Variants in GSDMC observed in about 807,000 individuals in gnomAD.
The protein encoded by GSDMC is gasdermin C, also known as gasdermin-C.
GSDMC carries 59 observed loss-of-function variants against 58.0 expected under a neutral mutation model. The ratio of observed to expected loss-of-function variants is 1.02; its 90% CI spans 0.82 to 1.26. The LOEUF is 1.26. Ranked by LOEUF, GSDMC falls within the 50% of genes most tolerant of loss-of-function variation. The pLI, the probability that GSDMC is intolerant of heterozygous loss-of-function variation, is 0.00. For synonymous variants in GSDMC, 241 were observed against 220.2 expected, an observed-to-expected ratio of 1.09 and a Z score of -0.83; for missense variants, 659 against 598.5, an observed-to-expected ratio of 1.10 and a Z score of -1.06.
In GSDMC at chr8:129,785,997, C is replaced by G. The variant is rs2034544910; in HGVS notation, c.-5+14G>C. 1 of 152,130 alleles carries G rather than the reference C, an allele frequency of 6.6e-6. No individual in the cohort carries two copies. The highest frequency in any genetic ancestry group is 2.4e-5 in the African/African-American group (1 of 41,414). 9.4% of individuals were successfully genotyped at this position (152,130 alleles called of 1,614,324 possible). A position where few individuals can be genotyped will look rare whatever the true frequency, so the allele number is the denominator to read the frequency against. ...ATCTTTTCTTTTTCATCCCCTGATC[C>G]CATTAGGACTTACCAGATTATATAT... is the stretch of plus-strand genomic sequence containing the variant. On this transcript the variant is annotated intron_variant, in intron 1 of 13. Transcript: ENST00000276708.
the GSDMC span, chr8:129,730,034 GA>G: frequency 7.9e-7 from 1 of 1,273,720 alleles, no homozygotes; most frequent in Non-Finnish European, 1.1e-6. Flanking sequence ...GGATGAGAAG[GA>G]AAAGGAGTAT....
At chr8:129,777,710 C>G (rs2034284644) in intron 1 of GSDMC, 119 bp from the exon 2 acceptor site, 1 of 657,900 alleles carries the variant, frequency 1.5e-6, no homozygotes, top group Non-Finnish European at 2.7e-6. Flanking sequence ...CAGGTCTTTA[C>G]TTAAAATAGT....
At chr8:129,732,484 G>A in the GSDMC span, among the ~76,000 whole-genome samples, 1 of 152,184 alleles carries the variant, frequency 6.6e-6, no homozygotes, top group Non-Finnish European at 1.5e-5. Context: ...GAAGTGCCAA[G>A]GTCTCCAGAT....
Position 129,752,088 on chromosome 8 carries a change from G to T in GSDMC, c.886+18C>A. 6.2e-7 allele frequency: 1 copy of T among 1,606,672 alleles called. No homozygotes were observed. The highest frequency in any genetic ancestry group is 8.5e-7 in the Non-Finnish European group (1 of 1,173,168). On this transcript the variant is annotated intron_variant, in intron 8 of 13. Coordinates refer to ENST00000276708, the MANE Select transcript of GSDMC (RefSeq NM_031415.3). ...TTGTGCAGATTGTCCTGGAAGGGGA[G>T]GGCCAGATTCCACTCACTTGGCAAA... is the stretch of plus-strand genomic sequence containing the variant.
At chr8:129,777,650 A>C in intron 1 of GSDMC, 59 bp from the exon 2 acceptor site, 5 of 863,192 alleles carry the variant, frequency 5.8e-6, no homozygotes, top group Non-Finnish European at 7.8e-6. Flanking sequence ...TTAAACTCTC[A>C]CCAATTATTG....
chr8:129,756,999 T>C (rs1378329100), intron 6 of GSDMC, among the ~76,000 whole-genome samples: 1 of 150,646 alleles, frequency 6.6e-6, no homozygotes, highest in Non-Finnish European at 1.5e-5. Context: ...CTTAAAGAAC[T>C]AGAAAAGCAA....
At chr8:129,738,590 G>A in the GSDMC span, among the ~76,000 whole-genome samples, 1 of 152,230 alleles carries the variant, frequency 6.6e-6, no homozygotes, top group African/African-American at 2.4e-5. Context: ...TCACTCATAG[G>A]TGGGAATTGA....
At chr8:129,720,950 G>C in the GSDMC span, among the ~76,000 whole-genome samples, 1 of 152,190 alleles carries the variant, frequency 6.6e-6, no homozygotes, top group African/African-American at 2.4e-5. Flanking sequence ...GCACAAGATG[G>C]ACAGGCAGAG....
chr8:129,706,273 A>G, the GSDMC span, among the ~76,000 whole-genome samples: 1 of 152,210 alleles, frequency 6.6e-6, no homozygotes, highest in Non-Finnish European at 1.5e-5. Context: ...CCAACAATGG[A>G]TATTACCACT....
Position 129,749,486 on chromosome 8 carries a change from A to T in GSDMC, c.1253T>A (p.Met418Lys), listed in dbSNP as rs1187384840. 1 of 1,613,690 alleles carries T rather than the reference A, an allele frequency of 6.2e-7. No homozygotes were observed. The highest frequency in any genetic ancestry group is 1.3e-5 in the African/African-American group (1 of 74,874). Reference protein sequence around the residue: ...DFQHDLLACSMEKRILLQQQE... With the variant: ...DFQHDLLACSKEKRILLQQQE... Reference sequence around the variant, plus strand: ...TTGCTGAAGCAGGATCCTCTTCTCCATGGAACAGGCCAGCAAATCGTGTTG... The same window carrying T: ...TTGCTGAAGCAGGATCCTCTTCTCCTTGGAACAGGCCAGCAAATCGTGTTG... The change falls in exon 13 of 14, where the codon ATG becomes AAG. Residue 418 changes from methionine to lysine, a missense_variant. Coordinates refer to ENST00000276708, the MANE Select transcript of GSDMC (RefSeq NM_031415.3).
chr8:129,733,360 C>T, the GSDMC span, among the ~76,000 whole-genome samples: 3 of 152,254 alleles, frequency 2.0e-5, no homozygotes, highest in South Asian at 4.1e-4. Flanking sequence ...ACTGCCTCCT[C>T]GAGTGGGTCC....
At chr8:129,733,181 C>T in the GSDMC span, among the ~76,000 whole-genome samples, 1 of 152,192 alleles carries the variant, frequency 6.6e-6, no homozygotes. Flanking sequence ...GGGCAGAGCC[C>T]ACCACAGTTC....
At chr8:129,770,747 TA>T (rs1438505032) in intron 3 of GSDMC, among the ~76,000 whole-genome samples, 1 of 151,864 alleles carries the variant, frequency 6.6e-6, no homozygotes, top group African/African-American at 2.4e-5. Context: ...ATAAAAGTCA[TA>T]AAACAATTAA....
At chr8:129,782,168 A>G (rs1445058507) in intron 1 of GSDMC, among the ~76,000 whole-genome samples, 1 of 152,208 alleles carries the variant, frequency 6.6e-6, no homozygotes, top group Admixed American at 6.5e-5. Context: ...TTCTTGACAC[A>G]AATGATAATG....
the GSDMC span, among the ~76,000 whole-genome samples, chr8:129,713,521 AT>A: frequency 1.8e-4 from 27 of 152,174 alleles, no homozygotes; most frequent in Non-Finnish European, 2.9e-4. Context: ...TTAAAAGCCT[AT>A]TCTGCTGTCA....
chr8:129,729,288 C>A, the GSDMC span: 5 of 595,372 alleles, frequency 8.4e-6, no homozygotes, highest in Non-Finnish European at 1.3e-5. Context: ...GGTTCAGAAG[C>A]CTATAGGCAC....
chr8:129,723,314 C>G, the GSDMC span, among the ~76,000 whole-genome samples: 2,101 of 152,178 alleles, frequency 0.014, 52 homozygotes, highest in African/African-American at 0.049. Flanking sequence ...GATCTCGGCT[C>G]ACTGCAACCT....
the GSDMC span, among the ~76,000 whole-genome samples, chr8:129,714,765 C>T: frequency 6.7e-6 from 1 of 149,992 alleles, no homozygotes; most frequent in Non-Finnish European, 1.5e-5. Flanking sequence ...AAAAAAATTG[C>T]CAAAGGAAGT....
At chr8:129,724,873 T>C in the GSDMC span, among the ~76,000 whole-genome samples, 1 of 151,994 alleles carries the variant, frequency 6.6e-6, no homozygotes. Context: ...ACAAAGGGCA[T>C]AGTTTGAGGA....
Sources: allele counts gnomAD v4.1 joint callset (sites outside exome capture counted in the v4.1 genomes callset), GRCh38; gene constraint gnomAD v4.1.1; transcripts MANE v1.5; gene names NCBI Gene and HGNC (gene_info 2026-07-23, HGNC 2026-07-21).